The following EPM2A variants were observed in gnomAD, a reference collection of about 807,000 sequenced individuals.
EPM2A encodes the protein laforin.
A neutral mutation model predicts 26.5 loss-of-function variants in EPM2A; 21 were observed. That is an observed-to-expected ratio of 0.79 (90% CI 0.56 to 1.14). The LOEUF (loss-of-function observed/expected upper bound fraction) is 1.14, where lower values mean the gene tolerates loss of function less well. EPM2A is among the 50% of genes most tolerant of loss of function. The pLI is 0.00. For missense variants in EPM2A, 458 were observed against 440.8 expected (o/e 1.04, Z -0.35); for synonymous variants, 217 against 177.6 (o/e 1.22, Z -1.76).
chr6:145,529,141 G>C (rs919717495), intron 2 of EPM2A, among the ~76,000 whole-genome samples: 1 of 152,116 alleles, frequency 6.6e-6, no homozygotes, highest in Non-Finnish European at 1.5e-5. Flanking sequence ...AGTTTCTTGA[G>C]ATAGAGACTA....
At position 145,686,130 on chromosome 6, in the gene EPM2A, A is replaced by G; in HGVS notation, c.468T>C (p.His156=). The G allele has an allele frequency of 1.2e-6, 2 of 1,613,378 alleles. No homozygotes were observed. The highest frequency in any genetic ancestry group is 1.7e-6 in the Non-Finnish European group (2 of 1,179,390). ...YFNIAGHQAM[H]YSRILPNIWL... ...TATAGCACTATTTTTACCTTGAATAATGCATGGCTTGGTGGCCTGCAATAT... is the reference window on the plus strand; with the variant it reads ...TATAGCACTATTTTTACCTTGAATAGTGCATGGCTTGGTGGCCTGCAATAT... Residue 156 remains histidine (H), a synonymous_variant, in exon 2 of 4, where the codon CAT becomes CAC. Transcript: ENST00000367519.
chr6:145,686,043 G>A (rs747680804), intron 2 of EPM2A, 79 bp downstream of exon 2: 106 of 1,365,018 alleles, frequency 7.8e-5, no homozygotes, highest in African/African-American at 1.3e-4. Flanking sequence ...CTGCAGTTTC[G>A]AACACAGTAA....
chr6:145,540,320 G>A (rs1780489237), intron 2 of EPM2A, among the ~76,000 whole-genome samples: 1 of 152,188 alleles, frequency 6.6e-6, no homozygotes, highest in African/African-American at 2.4e-5. Context: ...CTGATGCTGT[G>A]AAAGAGTTCT....
At chr6:145,679,736 T>C (rs1583038379) in intron 2 of EPM2A, among the ~76,000 whole-genome samples, 1 of 152,046 alleles carries the variant, frequency 6.6e-6, no homozygotes, top group Non-Finnish European at 1.5e-5. Flanking sequence ...TTTACGGAAG[T>C]AAAAACAAAA....
intron 2 of EPM2A, chr6:145,502,617 G>A (rs1445019518): frequency 1.1e-5 from 5 of 470,278 alleles, no homozygotes; most frequent in Non-Finnish European, 1.8e-5. Flanking sequence ...TTAAAACCTG[G>A]CACAGTGCCA....
chr6:145,710,569 C>T (rs1159789182), intron 1 of EPM2A, among the ~76,000 whole-genome samples: 1 of 152,148 alleles, frequency 6.6e-6, no homozygotes, highest in Non-Finnish European at 1.5e-5. Context: ...GTGGCGATTC[C>T]TCAGGGATCT....
At chr6:145,606,017 T>C (rs1414653507) in intron 2 of EPM2A, among the ~76,000 whole-genome samples, 1 of 152,160 alleles carries the variant, frequency 6.6e-6, no homozygotes, top group Non-Finnish European at 1.5e-5. Flanking sequence ...TCCAATCAGG[T>C]GGCTGGCTAT....
At chr6:145,482,727 G>C (rs973565317) in intron 4 of EPM2A, among the ~76,000 whole-genome samples, 1 of 151,894 alleles carries the variant, frequency 6.6e-6, no homozygotes, top group Non-Finnish European at 1.5e-5. Context: ...AAAATACAAC[G>C]AGAACCCATT....
In EPM2A at chr6:145,686,146, C is replaced by T. The variant is rs1173939028; in HGVS notation, c.452G>A (p.Gly151Asp). 1.9e-6 allele frequency: 3 copies of T among 1,613,780 alleles called. No individual in the cohort carries two copies. Among genetic ancestry groups the T allele is most frequent in the Non-Finnish European group, 2.5e-6 (3 of 1,179,860 alleles). ...CCTTGAATAATGCATGGCTTGGTGGCCTGCAATATTAAAATAGAAGTCTGT... is the reference window on the plus strand; with the variant it reads ...CCTTGAATAATGCATGGCTTGGTGGTCTGCAATATTAAAATAGAAGTCTGT... ...HTTDFYFNIA[G>D]HQAMHYSRIL... The change falls in exon 2 of 4, where the codon GGC (glycine) becomes GAC (aspartate). Residue 151 changes from glycine to aspartate, a missense_variant. Transcript: ENST00000367519.
In EPM2A at chr6:145,389,381, G is replaced by A. The variant is rs181639342; in HGVS notation, c.556-5284C>T. On this transcript the variant is annotated intron_variant, in intron 4 of 4. Coordinates refer to the EPM2A transcript ENST00000638717. ...ATTTTTTTATATTTTTAGTAGAGAC[G>A]GGGTTTCACCATGTTGGCCAGGCTG... is the stretch of plus-strand genomic sequence containing the variant. Among the ~76,000 whole-genome samples, 585 of 151,788 alleles carry A rather than the reference G, an allele frequency of 3.9e-3. 8 individuals are homozygous for A. Among genetic ancestry groups the A allele is most frequent in the Non-Finnish European group, 5.8e-3 (392 of 67,916 alleles).
At chr6:145,609,513 G>A (rs1775344730) in intron 2 of EPM2A, among the ~76,000 whole-genome samples, 1 of 152,138 alleles carries the variant, frequency 6.6e-6, no homozygotes, top group African/African-American at 2.4e-5. Context: ...TGATTCTTGT[G>A]GGAAAGATGG....
chr6:145,530,743 T>G (rs1339033546), intron 2 of EPM2A, among the ~76,000 whole-genome samples: 2 of 152,214 alleles, frequency 1.3e-5, no homozygotes, highest in African/African-American at 4.8e-5. Flanking sequence ...GAAATTTACA[T>G]AATTAACCAT....
intron 2 of EPM2A, chr6:145,671,062 T>G: frequency 1.0e-6 from 1 of 985,216 alleles, no homozygotes; most frequent in Non-Finnish European, 1.2e-6. Flanking sequence ...CTTTGCCCAG[T>G]AATGTCTTGA....
Position 145,627,705 on chromosome 6 carries a change from A to T in EPM2A, c.719-12T>A. Reference sequence around the variant, plus strand: ...CATCTGTACTCGGCCTGCGGTGGGGAAAGCACAGCACACATGTGAATAACT... The same window carrying T: ...CATCTGTACTCGGCCTGCGGTGGGGTAAGCACAGCACACATGTGAATAACT... On this transcript the variant is annotated splice_polypyrimidine_tract_variant and intron_variant, in intron 3 of 3. Coordinates refer to ENST00000367519, the MANE Select transcript of EPM2A (RefSeq NM_005670.4). The T allele has an allele frequency of 6.2e-7, 1 of 1,613,464 alleles. No individual in the cohort carries two copies. The highest frequency in any genetic ancestry group is 8.5e-7 in the Non-Finnish European group (1 of 1,179,938).
At chr6:145,657,076 C>A (rs2128583750) in intron 2 of EPM2A, among the ~76,000 whole-genome samples, 1 of 147,012 alleles carries the variant, frequency 6.8e-6, no homozygotes, top group South Asian at 2.1e-4. Flanking sequence ...AAAAAATAAG[C>A]CCGTCATTTT....
chr6:145,397,123 G>A (rs1778416028), intron 4 of EPM2A, among the ~76,000 whole-genome samples: 1 of 152,092 alleles, frequency 6.6e-6, no homozygotes, highest in South Asian at 2.1e-4. Flanking sequence ...AGAAAACATT[G>A]ACTTTCTCCT....
intron 2 of EPM2A, among the ~76,000 whole-genome samples, chr6:145,606,259 T>C (rs1156689188): frequency 6.6e-6 from 1 of 152,124 alleles, no homozygotes; most frequent in African/African-American, 2.4e-5. Context: ...TAGAATTTAA[T>C]ATGGCATTTC....
At chr6:145,496,464 A>G (rs898618879) in intron 4 of EPM2A, among the ~76,000 whole-genome samples, 2 of 152,188 alleles carry the variant, frequency 1.3e-5, no homozygotes, top group East Asian at 3.9e-4. Context: ...CAGGTACACC[A>G]ATCAGTTGTA....
At chr6:145,418,577 T>C (rs1778739249) in intron 4 of EPM2A, among the ~76,000 whole-genome samples, 1 of 152,204 alleles carries the variant, frequency 6.6e-6, no homozygotes, top group South Asian at 2.1e-4. Context: ...CATGTGTTGC[T>C]GGGGCCACCC....
Sources: gnomAD v4.1 joint callset for allele counts (sites outside exome capture counted in the v4.1 genomes callset) on GRCh38, gnomAD v4.1.1 for gene constraint, MANE v1.5 for transcripts, NCBI Gene and HGNC (gene_info 2026-07-23, HGNC 2026-07-21) for gene names.